Variants in ETV1 observed in about 807,000 individuals in gnomAD.
The protein encoded by ETV1 is ETS variant transcription factor 1, also known as ETS translocation variant 1.
Under a neutral mutation model 62.3 loss-of-function variants are expected in ETV1, and 27 were observed. That is an observed-to-expected ratio of 0.43 (90% CI 0.32 to 0.60). The LOEUF is 0.60. ETV1 is among the 20% of genes least tolerant of loss of function. The pLI is 0.06. For synonymous variants in ETV1, 222 were observed against 199.6 expected, an observed-to-expected ratio of 1.11 and a Z score of -0.94; for missense variants, 605 against 605.8, an observed-to-expected ratio of 1.00 and a Z score of 0.01.
intron 6 of ETV1, among the ~76,000 whole-genome samples, chr7:13,947,037 A>G (rs1788245548): frequency 6.6e-6 from 1 of 152,110 alleles, no homozygotes; most frequent in African/African-American, 2.4e-5. Flanking sequence ...CGGCCTCCCA[A>G]AGTGCTGGGA....
Position 13,892,321 on chromosome 7 carries a change from G to A in ETV1, c.*3545C>T, listed in dbSNP as rs1436569493. On this transcript the variant is annotated 3_prime_UTR_variant, in exon 14 of 14. Transcript: ENST00000430479. ...TGGGGAAGGATTTGAATAATCTAAA[G>A]GCTTGATGTGATTACCAGACATTTT... 1.7e-5 allele frequency: 4 copies of A among 232,368 alleles called. No individual in the cohort carries two copies. Among genetic ancestry groups the A allele is most frequent in the African/African-American group, 8.8e-5 (4 of 45,226 alleles). 14.4% of individuals were successfully genotyped at this position (232,368 alleles called of 1,614,324 possible).
intron 9 of ETV1, among the ~76,000 whole-genome samples, chr7:13,913,969 C>T (rs779701090): frequency 8.8e-5 from 13 of 148,260 alleles, no homozygotes; most frequent in Non-Finnish European, 1.9e-4. Flanking sequence ...ACTGCAAGCT[C>T]CGCCTCCCGG....
At chr7:13,959,882 CAAAAAAAAAAAAAA>C (rs35605197) in intron 6 of ETV1, among the ~76,000 whole-genome samples, 8,729 of 56,896 alleles carry the variant, frequency 0.15, 947 homozygotes, top group African/African-American at 0.32. Flanking sequence ...GATTCTGTCT[CAAAAAAAAAAAAAA>C]AAAAAAAAAA....
chr7:13,968,621 T>C (rs536815177), intron 6 of ETV1, among the ~76,000 whole-genome samples: 1 of 151,780 alleles, frequency 6.6e-6, no homozygotes, highest in African/African-American at 2.4e-5. Context: ...TAAGGGAAAG[T>C]GTCCTTCATA....
intron 6 of ETV1, among the ~76,000 whole-genome samples, chr7:13,967,356 T>C (rs1185632465): frequency 6.6e-6 from 1 of 152,120 alleles, no homozygotes; most frequent in African/African-American, 2.4e-5. Flanking sequence ...CCAAAAAAAC[T>C]TCTTTGCTAA....
chr7:13,948,204 A>G (rs933006396), intron 6 of ETV1, among the ~76,000 whole-genome samples: 2 of 152,180 alleles, frequency 1.3e-5, no homozygotes, highest in African/African-American at 2.4e-5. Flanking sequence ...AAATGTCACA[A>G]TGATGGAAAG....
intron 9 of ETV1, among the ~76,000 whole-genome samples, chr7:13,918,874 TAAAAA>T (rs370489670): frequency 7.1e-6 from 1 of 141,680 alleles, no homozygotes; most frequent in Non-Finnish European, 1.5e-5. Flanking sequence ...TAAAGTATAA[TAAAAA>T]AAAAAAAAAA....
chr7:13,913,217 C>T (rs1178291301), intron 9 of ETV1, among the ~76,000 whole-genome samples: 1 of 152,172 alleles, frequency 6.6e-6, no homozygotes, highest in Non-Finnish European at 1.5e-5. Context: ...AGTTCAACAA[C>T]CGTAACAAGC....
chr7:13,969,747 T>A (rs1780681662), intron 6 of ETV1, among the ~76,000 whole-genome samples: 1 of 152,172 alleles, frequency 6.6e-6, no homozygotes, highest in African/African-American at 2.4e-5. Flanking sequence ...ATTAAAGTAA[T>A]TAAAACCTAT....
intron 9 of ETV1, among the ~76,000 whole-genome samples, chr7:13,920,154 C>G (rs541043609): frequency 6.6e-6 from 1 of 152,168 alleles, no homozygotes; most frequent in Non-Finnish European, 1.5e-5. Context: ...TCCCTTCCCC[C>G]TTTCCTGCCT....
At chr7:13,907,213 G>A (rs1398849180) in intron 11 of ETV1, among the ~76,000 whole-genome samples, 1 of 151,990 alleles carries the variant, frequency 6.6e-6, no homozygotes, top group Non-Finnish European at 1.5e-5. Context: ...CTGCATTATC[G>A]TAGTACTACC....
At chr7:13,981,352 G>T (rs546790599) in intron 5 of ETV1, among the ~76,000 whole-genome samples, 141 of 152,140 alleles carry the variant, frequency 9.3e-4, no homozygotes, top group African/African-American at 3.2e-3. Flanking sequence ...GAGCCATGTG[G>T]CCCAACCACA....
intron 12 of ETV1, among the ~76,000 whole-genome samples, chr7:13,902,033 C>T (rs1782491352): frequency 6.6e-6 from 1 of 152,132 alleles, no homozygotes; most frequent in Non-Finnish European, 1.5e-5. Flanking sequence ...GCTTGCTTTT[C>T]CTACCCCAGC....
chr7:13,896,715 G>GAGAGAAAGAAAGAAAGGAGAGAGAA (rs1781828776), intron 13 of ETV1, among the ~76,000 whole-genome samples: 1 of 99,518 alleles, frequency 1.0e-5, no homozygotes, highest in Non-Finnish European at 2.1e-5. Context: ...AAAGAAAGGA[G>GAGAGAAAGAAAGAAAGGAGAGAGAA]AGAGAAAGAA....
upstream of ETV1, chr7:13,989,926 T>G: frequency 4.0e-6 from 1 of 248,504 alleles, no homozygotes; most frequent in Non-Finnish European, 7.6e-6. Context: ...CGCTGCTTAT[T>G]GTTAAGGCGC....
At chr7:13,970,463 T>C (rs1021138224) in intron 6 of ETV1, among the ~76,000 whole-genome samples, 26 of 152,164 alleles carry the variant, frequency 1.7e-4, no homozygotes, top group Admixed American at 5.2e-4. Context: ...TTTGAGTCTA[T>C]TTGGTAACAT....
intron 9 of ETV1, among the ~76,000 whole-genome samples, chr7:13,927,556 A>G (rs1785576481): frequency 6.6e-6 from 1 of 152,192 alleles, no homozygotes; most frequent in African/African-American, 2.4e-5. Context: ...AATAGGTGAA[A>G]AAAGAAATCA....
chr7:13,926,688 T>A (rs1275824103), intron 9 of ETV1, among the ~76,000 whole-genome samples: 1 of 152,176 alleles, frequency 6.6e-6, no homozygotes, highest in East Asian at 1.9e-4. Flanking sequence ...TTATGCAGCA[T>A]AATAGGCTAG....
chr7:13,912,240 G>T (rs1384517849), intron 9 of ETV1, among the ~76,000 whole-genome samples: 1 of 152,180 alleles, frequency 6.6e-6, no homozygotes. Flanking sequence ...CCCAGAGTGG[G>T]AGAAAAGGAG....
Sources: gnomAD v4.1 joint callset for allele counts (sites outside exome capture counted in the v4.1 genomes callset) on GRCh38, gnomAD v4.1.1 for gene constraint, MANE v1.5 for transcripts, NCBI Gene and HGNC (gene_info 2026-07-23, HGNC 2026-07-21) for gene names.